Variants in PGPEP1L observed in about 807,000 individuals in gnomAD.
PGPEP1L encodes the protein pyroglutamyl-peptidase I like.
A neutral mutation model predicts 6.0 loss-of-function variants in PGPEP1L; 7 were observed. The ratio of observed to expected loss-of-function variants is 1.17; its 90% CI spans 0.66 to 2.19. The LOEUF is 2.19. PGPEP1L is among the 30% of genes most tolerant of loss of function. The pLI, the probability that PGPEP1L is intolerant of heterozygous loss-of-function variation, is 0.00. For synonymous variants in PGPEP1L, 103 were observed against 83.9 expected (o/e 1.23, Z -1.24); for missense variants, 209 against 192.5 (o/e 1.09, Z -0.51).
intron 2 of PGPEP1L, among the ~76,000 whole-genome samples, chr15:98,979,905 CTAT>C (rs2017633002): frequency 6.6e-6 from 1 of 152,048 alleles, no homozygotes. Context: ...GCCTCGGAGA[CTAT>C]TATTCTAAGT....
At chr15:98,978,269 G>A (rs987777838) in intron 2 of PGPEP1L, among the ~76,000 whole-genome samples, 1 of 152,204 alleles carries the variant, frequency 6.6e-6, no homozygotes, top group Non-Finnish European at 1.5e-5. Flanking sequence ...AGTGGAACCC[G>A]AAACTGGGAG....
chr15:98,985,088 G>A (rs1169030021), intron 2 of PGPEP1L, among the ~76,000 whole-genome samples: 1 of 152,174 alleles, frequency 6.6e-6, no homozygotes, highest in Non-Finnish European at 1.5e-5. Context: ...CTATGTCTAA[G>A]GCACTGGACG....
At chr15:98,972,121 G>C (rs770666545) in intron 2 of PGPEP1L, among the ~76,000 whole-genome samples, 1 of 152,154 alleles carries the variant, frequency 6.6e-6, no homozygotes, top group Non-Finnish European at 1.5e-5. Flanking sequence ...GGGAGGCCGA[G>C]GTGAGTGGAT....
At chr15:98,998,647 CAAAACTTAACCCAA>C (rs1220913335) in intron 2 of PGPEP1L, among the ~76,000 whole-genome samples, 3 of 152,186 alleles carry the variant, frequency 2.0e-5, no homozygotes, top group African/African-American at 7.2e-5. Context: ...ACCCCTTACA[CAAAACTTAACCCAA>C]ATGAATAATG....
At chr15:98,983,359 C>T (rs1013040954) in intron 2 of PGPEP1L, among the ~76,000 whole-genome samples, 1 of 152,090 alleles carries the variant, frequency 6.6e-6, no homozygotes, top group Non-Finnish European at 1.5e-5. Flanking sequence ...AGGCACCAGG[C>T]CACCTCATCT....
chr15:98,994,488 T>C (rs943861220), intron 2 of PGPEP1L, among the ~76,000 whole-genome samples: 13 of 150,640 alleles, frequency 8.6e-5, no homozygotes, highest in Non-Finnish European at 3.0e-5. Context: ...ACCTTGCCTC[T>C]AATAAAAAAT....
In PGPEP1L at chr15:98,977,206, A is replaced by G. The variant is rs192760564; in HGVS notation, c.-141-6048T>C. 4.3e-3 allele frequency among the ~76,000 whole-genome samples: 653 copies of G among 151,868 alleles called. 16 individuals are homozygous for G. The highest frequency in any genetic ancestry group is 0.037 in the Admixed American group (562 of 15,256). ...ATATTAACTTTTGGGTTTTGGTTTGATTTCTATTGTTATATTTCTGCTACT... is the reference window on the plus strand; with the variant it reads ...ATATTAACTTTTGGGTTTTGGTTTGGTTTCTATTGTTATATTTCTGCTACT... On this transcript the variant is annotated intron_variant, in intron 2 of 4. Transcript: ENST00000535714.
At chr15:98,993,755 T>A (rs953376094) in intron 2 of PGPEP1L, among the ~76,000 whole-genome samples, 1 of 151,842 alleles carries the variant, frequency 6.6e-6, no homozygotes, top group African/African-American at 2.4e-5. Flanking sequence ...CAAACCACCA[T>A]GGCACGTGTA....
At chr15:98,998,485 C>T (rs540191760) in intron 2 of PGPEP1L, among the ~76,000 whole-genome samples, 14 of 152,256 alleles carry the variant, frequency 9.2e-5, no homozygotes, top group African/African-American at 2.9e-4. Context: ...TTGTAAAGAA[C>T]CCTGGAATAG....
At chr15:98,994,010 G>A (rs1389931774) in intron 2 of PGPEP1L, among the ~76,000 whole-genome samples, 4 of 152,200 alleles carry the variant, frequency 2.6e-5, no homozygotes, top group Admixed American at 2.0e-4. Flanking sequence ...ACTCATGCCT[G>A]TAATCCCAGC....
At chr15:98,997,739 C>T (rs2017907892) in intron 2 of PGPEP1L, among the ~76,000 whole-genome samples, 1 of 152,124 alleles carries the variant, frequency 6.6e-6, no homozygotes, top group Non-Finnish European at 1.5e-5. Context: ...TTTATTATTC[C>T]CTCATTTCAT....
intron 2 of PGPEP1L, among the ~76,000 whole-genome samples, chr15:98,994,608 CTAT>C (rs1254840708): frequency 1.4e-4 from 22 of 152,112 alleles, no homozygotes; most frequent in Non-Finnish European, 2.2e-4. Context: ...AAAAATGGAG[CTAT>C]TATTACTACG....
intron 1 of PGPEP1L, 131 bp downstream of exon 1, chr15:99,007,228 G>T (rs781786193): frequency 6.7e-6 from 1 of 150,192 alleles, no homozygotes; most frequent in Non-Finnish European, 1.5e-5. Context: ...GCCATGAGTG[G>T]GATGCAGAGG....
At chr15:99,001,102 C>T in intron 2 of PGPEP1L, 1 of 427,434 alleles carries the variant, frequency 2.3e-6, no homozygotes, top group South Asian at 1.6e-5. Context: ...ATGAACCCAC[C>T]AGAAGGAAGA....
intron 2 of PGPEP1L, chr15:99,001,133 A>G (rs1346753112): frequency 6.7e-6 from 3 of 446,684 alleles, no homozygotes; most frequent in African/African-American, 6.1e-5. Flanking sequence ...ACATCCAAAC[A>G]TCAGTCAAGA....
chr15:99,006,137 G>T (rs1396481704), intron 1 of PGPEP1L, among the ~76,000 whole-genome samples: 1 of 152,222 alleles, frequency 6.6e-6, no homozygotes, highest in Non-Finnish European at 1.5e-5. Context: ...GGTCCTCAGG[G>T]AAGTTAACCT....
chr15:98,995,242 T>C (rs59179679), intron 2 of PGPEP1L, among the ~76,000 whole-genome samples: 1 of 152,376 alleles, frequency 6.6e-6, no homozygotes, highest in East Asian at 1.9e-4. Flanking sequence ...CTCCTTATGC[T>C]GCTCTTTTGA....
chr15:99,003,517 C>T (rs1169187931), intron 2 of PGPEP1L, among the ~76,000 whole-genome samples: 1 of 152,050 alleles, frequency 6.6e-6, no homozygotes, highest in Non-Finnish European at 1.5e-5. Context: ...TTGTGGTTAT[C>T]GTTGGTGCCA....
chr15:98,984,055 C>G (rs537087823), intron 2 of PGPEP1L, among the ~76,000 whole-genome samples: 1 of 136,190 alleles, frequency 7.3e-6, no homozygotes. Context: ...CTCACTCTGT[C>G]GCCCAGGCTG....
Sources: allele counts gnomAD v4.1 joint callset (sites outside exome capture counted in the v4.1 genomes callset), GRCh38; gene constraint gnomAD v4.1.1; transcripts MANE v1.5; gene names NCBI Gene and HGNC (gene_info 2026-07-23, HGNC 2026-07-21).